Variants in DIP2C observed in about 807,000 individuals in gnomAD.
The protein encoded by DIP2C is disco-interacting protein 2 homolog C.
A neutral mutation model predicts 192.4 loss-of-function variants in DIP2C; 33 were observed. The observed-to-expected ratio is 0.17, with a 90% CI of 0.13 to 0.23. The LOEUF (loss-of-function observed/expected upper bound fraction) is 0.23, where lower values mean the gene tolerates loss of function less well. Ranked by LOEUF, DIP2C falls within the 10% of genes least tolerant of loss-of-function variation. DIP2C has a pLI of 1.00. For synonymous variants in DIP2C, 979 were observed against 864.1 expected, an observed-to-expected ratio of 1.13 and a Z score of -2.33; for missense variants, 1,537 against 2,110.1, an observed-to-expected ratio of 0.73 and a Z score of 5.32.
At chr10:566,715 C>T (rs184545771) in intron 1 of DIP2C, among the ~76,000 whole-genome samples, 37 of 152,374 alleles carry the variant, frequency 2.4e-4, no homozygotes, top group Admixed American at 2.2e-3. Context: ...AACAACGGTG[C>T]CTCTGAGGGT....
chr10:311,126 G>A lies in DIP2C; in HGVS notation c.3925-1034C>T, dbSNP rs564920866. ...CAGGGAAAAAGAACAGCACATGCGA[G>A]TCAGCCTCCCGGCGGACGCTCCCAG... On this transcript the variant is annotated intron_variant, in intron 31 of 36. Coordinates refer to ENST00000280886, the MANE Select transcript of DIP2C (RefSeq NM_014974.3). Among the ~76,000 whole-genome samples the A allele has an allele frequency of 2.2e-4, 34 of 152,208 alleles. 1 individual carries two copies. In the South Asian group the frequency reaches 6.2e-3, roughly 28 times the overall value.
At chr10:318,052 T>TA (rs529044681) in intron 31 of DIP2C, among the ~76,000 whole-genome samples, 135 of 151,990 alleles carry the variant, frequency 8.9e-4, no homozygotes, top group African/African-American at 3.1e-3. Flanking sequence ...AGTGCCTGAG[T>TA]AGACGTAAAA....
At chr10:572,786 T>C (rs1379604964) in intron 1 of DIP2C, among the ~76,000 whole-genome samples, 7 of 152,180 alleles carry the variant, frequency 4.6e-5, no homozygotes, top group Non-Finnish European at 1.0e-4. Context: ...AATAAACACG[T>C]TGGTGCAGGT....
At chr10:278,926 C>T (rs1184421686) in intron 36 of DIP2C, among the ~76,000 whole-genome samples, 5 of 152,132 alleles carry the variant, frequency 3.3e-5, no homozygotes, top group African/African-American at 1.2e-4. Flanking sequence ...CAGGGCTGCT[C>T]GTATCTGCTC....
In DIP2C at chr10:581,737, C is replaced by T. The variant is rs181632405; in HGVS notation, c.86-95207G>A. On this transcript the variant is annotated intron_variant, in intron 1 of 36. Transcript: ENST00000280886. ...GTTGTCAGGTTCTGGGTCAGTTCTACCCGGTTCTGCCCAGGCCCTACTGGA... is the reference window on the plus strand; with the variant it reads ...GTTGTCAGGTTCTGGGTCAGTTCTATCCGGTTCTGCCCAGGCCCTACTGGA... Among the ~76,000 whole-genome samples the T allele has an allele frequency of 1.4e-4, 21 of 152,188 alleles. No homozygotes were observed. The East Asian group carries it at 4.1e-3, about 29-fold the overall frequency.
chr10:487,321 T>C (rs867747794), intron 1 of DIP2C, among the ~76,000 whole-genome samples: 1 of 152,138 alleles, frequency 6.6e-6, no homozygotes, highest in East Asian at 1.9e-4. Context: ...GAGTGAAAAA[T>C]TCAAGCTTTA....
At chr10:658,097 A>G (rs1429825399) in intron 1 of DIP2C, among the ~76,000 whole-genome samples, 1 of 150,734 alleles carries the variant, frequency 6.6e-6, no homozygotes, top group Admixed American at 6.6e-5. Flanking sequence ...CTGATGCTGG[A>G]CCTGTCCCTG....
intron 4 of DIP2C, among the ~76,000 whole-genome samples, chr10:432,464 G>A (rs769181169): frequency 1.5e-4 from 23 of 152,218 alleles, no homozygotes; most frequent in Non-Finnish European, 2.9e-4. Context: ...TCAAATTTGT[G>A]GCCATAGAGT....
chr10:297,641 A>C (rs562685404), intron 32 of DIP2C, among the ~76,000 whole-genome samples: 1 of 152,332 alleles, frequency 6.6e-6, no homozygotes, highest in South Asian at 2.1e-4. Flanking sequence ...ATAGAAATAC[A>C]AAGTAGAACA....
intron 1 of DIP2C, among the ~76,000 whole-genome samples, chr10:612,019 G>T (rs1853130285): frequency 6.6e-6 from 1 of 152,096 alleles, no homozygotes; most frequent in Non-Finnish European, 1.5e-5. Flanking sequence ...ACCCAGGACG[G>T]GTGCGGTGGC....
At chr10:459,243 A>T (rs951866458) in intron 3 of DIP2C, among the ~76,000 whole-genome samples, 23 of 151,412 alleles carry the variant, frequency 1.5e-4, no homozygotes, top group African/African-American at 5.4e-4. Context: ...CCCACTGTGC[A>T]CTCAGGAGAC....
chr10:297,781 T>A (rs1955830903), intron 32 of DIP2C, among the ~76,000 whole-genome samples: 1 of 152,136 alleles, frequency 6.6e-6, no homozygotes, highest in Non-Finnish European at 1.5e-5. Context: ...AACAGTAATT[T>A]ATCATTCAAA....
chr10:564,847 C>A (rs1849379345), intron 1 of DIP2C, among the ~76,000 whole-genome samples: 1 of 152,184 alleles, frequency 6.6e-6, no homozygotes, highest in African/African-American at 2.4e-5. Flanking sequence ...TGGAAAACAA[C>A]AAATATGTTC....
At chr10:486,577 G>C (rs764523018) in intron 1 of DIP2C, 47 bp from the exon 2 acceptor site, 1 of 1,492,728 alleles carries the variant, frequency 6.7e-7, no homozygotes, top group Non-Finnish European at 9.1e-7. Context: ...CGTGGATAGA[G>C]CATTATCATT....
chr10:447,421 C>G (rs1233354273), intron 3 of DIP2C, among the ~76,000 whole-genome samples: 1 of 148,306 alleles, frequency 6.7e-6, no homozygotes, highest in Non-Finnish European at 1.5e-5. Context: ...CCACTCATCC[C>G]CATCTATACT....
chr10:353,136 C>T lies in DIP2C; in HGVS notation c.2985+3290G>A, dbSNP rs117191682. Among the ~76,000 whole-genome samples the T allele has an allele frequency of 7.9e-4, 119 of 150,926 alleles. 2 individuals are homozygous for T. In the East Asian group the frequency reaches 0.022, roughly 28 times the overall value. On this transcript the variant is annotated intron_variant, in intron 24 of 36. Coordinates refer to ENST00000280886, the MANE Select transcript of DIP2C (RefSeq NM_014974.3). ...GAGAAATGAGGGCTGGCTTTTCCCC[C>T]ACAGAAGTGCTGGGAGGCAGCATGA... is the stretch of plus-strand genomic sequence containing the variant.
At chr10:445,745 G>C (rs946437469) in intron 3 of DIP2C, among the ~76,000 whole-genome samples, 33 of 150,102 alleles carry the variant, frequency 2.2e-4, no homozygotes, top group African/African-American at 8.1e-4. Context: ...GTATACACCT[G>C]TTGTGAAGAG....
chr10:467,597 A>G (rs1300263076), intron 3 of DIP2C, among the ~76,000 whole-genome samples: 1 of 150,546 alleles, frequency 6.6e-6, no homozygotes, highest in African/African-American at 2.4e-5. Context: ...TGTGGCATAT[A>G]TATACCATGG....
intron 6 of DIP2C, among the ~76,000 whole-genome samples, chr10:417,273 G>T (rs555323055): frequency 9.2e-5 from 14 of 152,252 alleles, no homozygotes; most frequent in African/African-American, 3.1e-4. Context: ...CTCCCAGCAA[G>T]GGCCCCTGTG....
Sources: allele counts gnomAD v4.1 joint callset (sites outside exome capture counted in the v4.1 genomes callset), GRCh38; gene constraint gnomAD v4.1.1; transcripts MANE v1.5; gene names NCBI Gene and HGNC (gene_info 2026-07-23, HGNC 2026-07-21).